The following ACTR3C variants were observed in gnomAD, a reference collection of about 807,000 sequenced individuals.
ACTR3C encodes actin related protein 3C.
A neutral mutation model predicts 26.3 loss-of-function variants in ACTR3C; 18 were observed. That is an observed-to-expected ratio of 0.68 (90% CI 0.47 to 1.01). The LOEUF (loss-of-function observed/expected upper bound fraction) is 1.01. Among genes scored for constraint, ACTR3C ranks in the 50% least tolerant of loss-of-function variants. The probability of loss-of-function intolerance (pLI) is 0.00; values close to 1 mark genes in which losing one functional copy is unlikely to be tolerated. For missense variants in ACTR3C, 184 were observed against 250.7 expected (o/e 0.73, Z 1.80); for synonymous variants, 55 against 94.5 (o/e 0.58, Z 2.42).
the ACTR3C span, among the ~76,000 whole-genome samples, chr7:150,215,582 C>T: frequency 7.2e-5 from 11 of 152,170 alleles, no homozygotes; most frequent in African/African-American, 1.4e-4. Context: ...CGTTGAGGTT[C>T]GTGGACTAAT....
the ACTR3C span, among the ~76,000 whole-genome samples, chr7:150,041,703 C>A: frequency 1.6e-4 from 20 of 121,556 alleles, no homozygotes; most frequent in Admixed American, 1.4e-3. Flanking sequence ...CAGTCCCCAC[C>A]CTCGCGGGGG....
the ACTR3C span, among the ~76,000 whole-genome samples, chr7:149,926,768 G>A: frequency 6.6e-6 from 1 of 151,960 alleles, no homozygotes; most frequent in Admixed American, 6.6e-5. Context: ...AGTGGTCTGC[G>A]GAACCCCTGA....
chr7:150,058,192 A>C, the ACTR3C span, among the ~76,000 whole-genome samples: 1 of 152,216 alleles, frequency 6.6e-6, no homozygotes, highest in Non-Finnish European at 1.5e-5. Flanking sequence ...TGCACCGAAC[A>C]CTGAGAAAAG....
chr7:150,310,085 T>A (rs1796170852), intron 1 of ACTR3C, among the ~76,000 whole-genome samples: 2 of 152,114 alleles, frequency 1.3e-5, no homozygotes. Context: ...TTTTTAGTTA[T>A]CCCCACCTGC....
chr7:150,012,990 C>A, the ACTR3C span, among the ~76,000 whole-genome samples: 1 of 136,908 alleles, frequency 7.3e-6, no homozygotes, highest in African/African-American at 2.6e-5. Context: ...GGGGGACACA[C>A]GCAGTCTCCT....
chr7:150,295,582 T>G (rs188714695), intron 1 of ACTR3C, among the ~76,000 whole-genome samples: 110 of 152,294 alleles, frequency 7.2e-4, no homozygotes, highest in African/African-American at 2.5e-3. Context: ...CCACCCAAAT[T>G]AGAACAAGTT....
At chr7:150,277,169 A>G (rs1377896110) in intron 6 of ACTR3C, among the ~76,000 whole-genome samples, 1 of 152,158 alleles carries the variant, frequency 6.6e-6, no homozygotes, top group Non-Finnish European at 1.5e-5. Context: ...AAGCAAGCCA[A>G]TTCCTTACAT....
chr7:150,313,589 G>T (rs1420681886), intron 1 of ACTR3C, among the ~76,000 whole-genome samples: 1 of 152,154 alleles, frequency 6.6e-6, no homozygotes, highest in Non-Finnish European at 1.5e-5. Flanking sequence ...AGAAGGGAGG[G>T]GGGTACAGTG....
the ACTR3C span, among the ~76,000 whole-genome samples, chr7:150,208,771 A>T: frequency 6.6e-6 from 1 of 152,274 alleles, no homozygotes; most frequent in Non-Finnish European, 1.5e-5. Context: ...AAAAATTACC[A>T]GGCTTGCAGA....
chr7:150,037,482 T>TCCTAAG, the ACTR3C span, among the ~76,000 whole-genome samples: 1 of 39,116 alleles, frequency 2.6e-5, no homozygotes, highest in Admixed American at 3.3e-4. Flanking sequence ...GCGATGGGGG[T>TCCTAAG]AGCAACAGCC....
At chr7:149,951,574 C>G in the ACTR3C span, among the ~76,000 whole-genome samples, 140 of 151,886 alleles carry the variant, frequency 9.2e-4, 3 homozygotes, top group South Asian at 1.5e-3. Context: ...TTACATGTGG[C>G]CCCCAGGCAG....
At chr7:150,059,713 C>T in the ACTR3C span, among the ~76,000 whole-genome samples, 1 of 152,100 alleles carries the variant, frequency 6.6e-6, no homozygotes, top group Admixed American at 6.5e-5. Context: ...AATGCAAAAC[C>T]CTGTTGCCCT....
At chr7:150,198,669 G>A in the ACTR3C span, among the ~76,000 whole-genome samples, 3 of 149,420 alleles carry the variant, frequency 2.0e-5, no homozygotes, top group Non-Finnish European at 4.4e-5. Flanking sequence ...TCTGAGAAGT[G>A]AGGAGCCTCT....
chr7:149,991,497 T>C, the ACTR3C span, among the ~76,000 whole-genome samples: 6 of 152,312 alleles, frequency 3.9e-5, no homozygotes, highest in East Asian at 5.8e-4. Flanking sequence ...TGAGCAGCCT[T>C]GGCAGGCCTG....
downstream of ACTR3C, chr7:150,244,089 A>G (rs1181860873): frequency 4.0e-5 from 6 of 149,930 alleles, no homozygotes; most frequent in Admixed American, 4.0e-4. Context: ...AATATTGAAT[A>G]TTCAATATAG....
Position 150,274,691 on chromosome 7 carries a change from C to A in ACTR3C, c.564+10062G>T, listed in dbSNP as rs1297358390. On this transcript the variant is annotated intron_variant, in intron 6 of 7. Coordinates refer to ENST00000683684, the MANE Select transcript of ACTR3C (RefSeq NM_001164458.2). The surrounding 1 kb of genome is among the most constrained non-coding windows in gnomAD (Gnocchi z 4.1). Reference sequence around the variant, plus strand: ...TGAGTGCAGTCACGATGCTAGGAAGCGGCTCAGCCCACGTGGAGACCCACG... The same window carrying A: ...TGAGTGCAGTCACGATGCTAGGAAGAGGCTCAGCCCACGTGGAGACCCACG... Among the ~76,000 whole-genome samples the A allele has an allele frequency of 1.3e-5, 2 of 152,230 alleles. No individual in the cohort carries two copies. The highest frequency in any genetic ancestry group is 4.1e-4 in the South Asian group (2 of 4,828).
chr7:149,983,582 T>TA, the ACTR3C span, among the ~76,000 whole-genome samples: 1 of 150,546 alleles, frequency 6.6e-6, no homozygotes, highest in Admixed American at 6.6e-5. Flanking sequence ...CTGAAAACAC[T>TA]AAAAATAGAA....
At chr7:149,922,970 C>CTT in the ACTR3C span, among the ~76,000 whole-genome samples, 2,052 of 69,018 alleles carry the variant, frequency 0.03, 304 homozygotes, top group African/African-American at 0.085. Context: ...AAATAAAAGG[C>CTT]TTTTTTTTTT....
At chr7:150,028,416 A>T in the ACTR3C span, among the ~76,000 whole-genome samples, 1 of 152,302 alleles carries the variant, frequency 6.6e-6, no homozygotes, top group African/African-American at 2.4e-5. Context: ...TCAAACCTCA[A>T]TGTAATTTGA....
Sources: gnomAD v4.1 joint callset for allele counts (sites outside exome capture counted in the v4.1 genomes callset) on GRCh38, gnomAD v4.1.1 for gene constraint, Gnocchi (gnomAD v3.1) non-coding constraint, MANE v1.5 for transcripts, NCBI Gene and HGNC (gene_info 2026-07-23, HGNC 2026-07-21) for gene names.